APOO: variants seen among roughly 807,000 people sequenced by gnomAD.
APOO encodes the protein MICOS complex subunit MIC26.
APOO carries 11 observed loss-of-function variants against 23.1 expected under a neutral mutation model. The observed-to-expected ratio is 0.48, with a 90% CI of 0.30 to 0.79. The LOEUF is 0.79. APOO is among the 30% of genes least tolerant of loss of function. The probability of loss-of-function intolerance (pLI) is 0.07; values close to 1 mark genes in which losing one functional copy is unlikely to be tolerated. For synonymous variants in APOO, 59 were observed against 54.8 expected (o/e 1.08, Z -0.34); for missense variants, 160 against 142.7 (o/e 1.12, Z -0.62).
At chrX:23,863,890 T>C (rs1925214648) in intron 5 of APOO, among the ~76,000 whole-genome samples, 1 of 110,293 alleles carries the variant, frequency 9.1e-6, no homozygotes, top group Non-Finnish European at 1.9e-5. Context: ...AAAAAACCAG[T>C]AGAGGATGAA....
intron 1 of APOO, among the ~76,000 whole-genome samples, chrX:23,903,338 C>G (rs1330032438): frequency 9.3e-6 from 1 of 107,232 alleles, no homozygotes; most frequent in Non-Finnish European, 1.9e-5. Context: ...CCACTGTACT[C>G]AAGCCTGCGT....
Position 23,907,714 on chromosome X carries a change from C to T in APOO, c.-12G>A. The stretch of plus-strand genomic sequence containing the variant: ...CTCACCTTGAACATGTCGCTGGCAG[C>T]GGAGGCTCCGGCAGGGTCACCCCGG... On this transcript the variant is annotated 5_prime_UTR_variant, in exon 1 of 9. Transcript: ENST00000379226. 3 of 1,159,615 alleles carry T rather than the reference C, an allele frequency of 2.6e-6. No homozygotes were observed. The highest frequency in any genetic ancestry group is 3.4e-6 in the Non-Finnish European group (3 of 870,178).
rs74391542 is a variant in APOO at position 23,836,636 on chromosome X, TTTTTTC to T, written c.*30-3030_*30-3025del. On this transcript the variant is annotated intron_variant, in intron 8 of 8. Transcript: ENST00000379226. Reference sequence around the variant, plus strand: ...CCCCAGCCTAATTTCTTTTTTTTTTTTTTTTCCCCAAATCAATAGGTCTTTTATTGC... The same window carrying T: ...CCCCAGCCTAATTTCTTTTTTTTTTTCCCAAATCAATAGGTCTTTTATTGC... 47 of 756,023 alleles carry T rather than the reference TTTTTTC, an allele frequency of 6.2e-5. No individual in the cohort carries two copies. The African/African-American group carries it at 9.5e-4, about 15-fold the overall frequency. The allele number at this position is 756,023 out of a possible 1,213,427, so 62.3% of individuals were successfully genotyped here.
At chrX:23,872,546 A>ATAT (rs1245878303) in intron 4 of APOO, among the ~76,000 whole-genome samples, 7 of 85,315 alleles carry the variant, frequency 8.2e-5, no homozygotes, top group African/African-American at 3.4e-4. Context: ...TATATATATA[A>ATAT]AATTTTTGTG....
At chrX:23,901,929 T>G (rs763724421) in intron 1 of APOO, among the ~76,000 whole-genome samples, 2 of 112,314 alleles carry the variant, frequency 1.8e-5, no homozygotes, top group Non-Finnish European at 3.8e-5. Flanking sequence ...TGTCCTTGCA[T>G]GTGCTTTTCT....
intron 1 of APOO, among the ~76,000 whole-genome samples, chrX:23,888,976 C>CA (rs35852743): frequency 0.031 from 1,998 of 64,012 alleles, 58 homozygotes; most frequent in African/African-American, 0.091. Context: ...TCCATCTCTA[C>CA]AAAAAAAAAA....
At chrX:23,849,756 G>A (rs1408845775) in intron 7 of APOO, among the ~76,000 whole-genome samples, 2 of 108,353 alleles carry the variant, frequency 1.8e-5, no homozygotes, top group African/African-American at 6.7e-5. Flanking sequence ...GGCGGGGGCG[G>A]TGGCGTGCGC....
At chrX:23,894,121 GAAATTTATTTTTTA>G (rs1926795377) in intron 1 of APOO, among the ~76,000 whole-genome samples, 1 of 110,836 alleles carries the variant, frequency 9.0e-6, no homozygotes, top group South Asian at 3.8e-4. Context: ...TTTCATAAGT[GAAATTTATTTTTTA>G]AAATTTATTT....
intron 1 of APOO, chrX:23,883,768 G>A (rs1926248972): frequency 9.0e-6 from 1 of 111,546 alleles, no homozygotes; most frequent in Admixed American, 9.6e-5. Flanking sequence ...TCCACCCCTA[G>A]ACGCTGCCAT....
At chrX:23,889,656 GTTTT>G (rs138373055) in intron 1 of APOO, among the ~76,000 whole-genome samples, 9 of 61,871 alleles carry the variant, frequency 1.5e-4, no homozygotes, top group African/African-American at 5.4e-4. Context: ...CTGGGGAGTT[GTTTT>G]TTTTTTTTTT....
rs774172562 is a variant in APOO, at chrX:23,885,375, G to A, written c.10-4423C>T. ...GATCGTGCCACTGCACTCCAGCCTC[G>A]GCAAATATATATATTATATATATAT... On this transcript the variant is annotated intron_variant, in intron 1 of 8. Transcript: ENST00000379226. Among the ~76,000 whole-genome samples the A allele has an allele frequency of 1.3e-3, 141 of 106,216 alleles. 2 individuals are homozygous for A. The highest frequency in any genetic ancestry group is 4.7e-3 in the African/African-American group (136 of 29,120). 92.2% of individuals were successfully genotyped at this position (106,216 alleles called of 115,157 possible).
chrX:23,836,657 T>C, intron 8 of APOO: 2 of 598,044 alleles, frequency 3.3e-6, no homozygotes, highest in South Asian at 7.2e-5. Context: ...AATCAATAGG[T>C]CTTTTATTGC....
At chrX:23,842,961 T>C (rs1225466475) in intron 7 of APOO, among the ~76,000 whole-genome samples, 2 of 111,776 alleles carry the variant, frequency 1.8e-5, no homozygotes, top group Non-Finnish European at 3.8e-5. Context: ...TGAGCCAAGA[T>C]CACGCCATTG....
At chrX:23,864,058 C>T (rs1925227400) in intron 5 of APOO, among the ~76,000 whole-genome samples, 1 of 105,777 alleles carries the variant, frequency 9.5e-6, no homozygotes, top group East Asian at 2.9e-4. Context: ...TGCAATGGTG[C>T]AATCTCGGCT....
chrX:23,840,271 C>T, intron 8 of APOO, 42 bp downstream of exon 8: 2 of 905,253 alleles, frequency 2.2e-6, no homozygotes, highest in Non-Finnish European at 3.0e-6. Context: ...TCAGCTGGCA[C>T]TACAATGCTG....
intron 5 of APOO, among the ~76,000 whole-genome samples, chrX:23,859,962 C>A (rs1389624429): frequency 9.0e-6 from 1 of 111,028 alleles, no homozygotes; most frequent in African/African-American, 3.3e-5. Context: ...TAAACACAAG[C>A]GTTCTTCTTC....
At chrX:23,891,776 T>C (rs756302815) in intron 1 of APOO, among the ~76,000 whole-genome samples, 118 of 110,430 alleles carry the variant, frequency 1.1e-3, no homozygotes, top group African/African-American at 3.4e-3. Context: ...TGTAAGTATA[T>C]ATACACTTAC....
In APOO at chrX:23,897,925, G is replaced by A. The variant is rs182196026; in HGVS notation, c.9+9769C>T. On this transcript the variant is annotated intron_variant, in intron 1 of 8. Transcript: ENST00000379226. ...CAGGAGGATCGCTTGAGCCTGGGAG[G>A]TGGAGGTTGCAGTGAGCTAAGATTG... Among the ~76,000 whole-genome samples the A allele has an allele frequency of 7.9e-3, 838 of 105,485 alleles. 7 individuals carry two copies. The highest frequency in any genetic ancestry group is 0.013 in the Non-Finnish European group (668 of 51,293). The allele number at this position is 105,485 out of a possible 115,157, so 91.6% of individuals were successfully genotyped here.
intron 1 of APOO, among the ~76,000 whole-genome samples, chrX:23,882,813 A>T (rs1926206181): frequency 9.1e-6 from 1 of 110,332 alleles, no homozygotes; most frequent in South Asian, 3.9e-4. Flanking sequence ...TGTCCAGCTC[A>T]TTTTTGTAAT....
Sources: gnomAD v4.1 joint callset for allele counts (sites outside exome capture counted in the v4.1 genomes callset) on GRCh38, gnomAD v4.1.1 for gene constraint, MANE v1.5 for transcripts, NCBI Gene and HGNC (gene_info 2026-07-23, HGNC 2026-07-21) for gene names.